Variants in VWA3A observed in about 807,000 individuals in gnomAD.
VWA3A encodes von Willebrand factor A domain containing 3A.
A neutral mutation model predicts 160.4 loss-of-function variants in VWA3A; 134 were observed. The ratio of observed to expected loss-of-function variants is 0.84; its 90% confidence interval spans 0.73 to 0.96. VWA3A has a LOEUF of 0.96. Among genes scored for constraint, VWA3A ranks in the 40% least tolerant of loss-of-function variants. The probability of loss-of-function intolerance (pLI) is 0.00; values close to 1 mark genes in which losing one functional copy is unlikely to be tolerated. For synonymous variants in VWA3A, 476 were observed against 543.4 expected, an observed-to-expected ratio of 0.88 and a Z score of 1.72; for missense variants, 1,310 against 1,447.9, an observed-to-expected ratio of 0.90 and a Z score of 1.55.
chr16:22,142,610 G>A, intron 24 of VWA3A, 58 bp from the exon 25 acceptor site: 2 of 1,343,634 alleles, frequency 1.5e-6, no homozygotes, highest in South Asian at 1.3e-5. Context: ...CATTTCATGA[G>A]GTTTGCAGGG....
intron 19 of VWA3A, 195 bp from the exon 20 acceptor site, chr16:22,132,705 C>A: frequency 1.7e-6 from 1 of 591,274 alleles, no homozygotes; most frequent in Non-Finnish European, 2.9e-6. Flanking sequence ...GCTCTCAGGT[C>A]CAGCTCCCCA....
intron 31 of VWA3A, among the ~76,000 whole-genome samples, chr16:22,154,960 C>CAA (rs747770335): frequency 1.8e-5 from 1 of 54,448 alleles, no homozygotes; most frequent in Non-Finnish European, 3.8e-5. Flanking sequence ...GACTCCGTCT[C>CAA]AAAAAAAAAA....
intron 6 of VWA3A, among the ~76,000 whole-genome samples, chr16:22,106,078 A>G (rs1159130961): frequency 6.6e-6 from 1 of 152,196 alleles, no homozygotes; most frequent in South Asian, 2.1e-4. Context: ...AGGGTGGAAC[A>G]GGACTATTTA....
At chr16:22,137,445 C>T (rs765421197) in intron 21 of VWA3A, among the ~76,000 whole-genome samples, 4 of 152,166 alleles carry the variant, frequency 2.6e-5, no homozygotes, top group African/African-American at 4.8e-5. Context: ...AACAGACCCA[C>T]CTGGTTTGAA....
At position 22,138,348 on chromosome 16, in the gene VWA3A, A is replaced by T. The variant is rs760526304; in HGVS notation, c.2140-12A>T. ...GCTGGGGGTGCCACTGACCCTCCCA[A>T]TCCCACTGCAGTGTGCCTTCCTCAT... On this transcript the variant is annotated splice_polypyrimidine_tract_variant and intron_variant, in intron 21 of 33. Coordinates refer to ENST00000389398, the MANE Select transcript of VWA3A (RefSeq NM_173615.5). 1 of 1,574,740 alleles carries T rather than the reference A, an allele frequency of 6.4e-7. No individual in the cohort carries two copies. Among genetic ancestry groups the T allele is most frequent in the Middle Eastern group, 1.7e-4 (1 of 6,010 alleles).
chr16:22,101,320 G>T (rs1381902557), intron 5 of VWA3A, among the ~76,000 whole-genome samples: 3 of 152,174 alleles, frequency 2.0e-5, no homozygotes, highest in Non-Finnish European at 4.4e-5. Context: ...GTGTTTAATG[G>T]TTAAGAGTAA....
intron 3 of VWA3A, among the ~76,000 whole-genome samples, chr16:22,098,365 A>G (rs1490858799): frequency 6.6e-6 from 1 of 152,272 alleles, no homozygotes; most frequent in East Asian, 1.9e-4. Context: ...TGGCACTTAC[A>G]GGAAAGCAAG....
chr16:22,153,863 C>T (rs2046390523), intron 31 of VWA3A, among the ~76,000 whole-genome samples: 1 of 151,652 alleles, frequency 6.6e-6, no homozygotes. Flanking sequence ...CCTCAGCCTG[C>T]AGAGTAGCTG....
chr16:22,131,099 A>G, intron 17 of VWA3A, 106 bp from the exon 18 acceptor site: 1 of 950,310 alleles, frequency 1.1e-6, no homozygotes, highest in Admixed American at 2.1e-5. Flanking sequence ...ATTTTAGGGG[A>G]TCTCATCAGA....
At chr16:22,146,194 G>T in intron 26 of VWA3A, 42 bp from the exon 27 acceptor site, 2 of 1,493,976 alleles carry the variant, frequency 1.3e-6, no homozygotes, top group South Asian at 2.3e-5. Flanking sequence ...ATGAAGAAAT[G>T]ACTGATGGGG....
chr16:22,134,267 C>T (rs890045696), intron 20 of VWA3A, 101 bp from the exon 21 acceptor site: 68 of 948,028 alleles, frequency 7.2e-5, no homozygotes, highest in Non-Finnish European at 1.3e-5. Context: ...ATTCCCAGCC[C>T]TCAAGTCACC....
intron 3 of VWA3A, among the ~76,000 whole-genome samples, chr16:22,097,896 A>G (rs1456042884): frequency 6.6e-6 from 1 of 152,190 alleles, no homozygotes; most frequent in Non-Finnish European, 1.5e-5. Flanking sequence ...TGTTTAGCCT[A>G]TTTGGCCATG....
At chr16:22,115,219 T>G in intron 8 of VWA3A, 128 bp from the exon 9 acceptor site, 174 of 1,075,324 alleles carry the variant, frequency 1.6e-4, no homozygotes, top group Non-Finnish European at 2.0e-4. Flanking sequence ...GAGGTTACAG[T>G]GAGCTATGAT....
At chr16:22,143,643 G>T (rs1270681160) in intron 25 of VWA3A, among the ~76,000 whole-genome samples, 3 of 152,144 alleles carry the variant, frequency 2.0e-5, no homozygotes, top group African/African-American at 7.2e-5. Flanking sequence ...TTGTAGGTGG[G>T]GTTGAAATGG....
chr16:22,138,079 C>T (rs1004824598), intron 21 of VWA3A, among the ~76,000 whole-genome samples: 6 of 152,188 alleles, frequency 3.9e-5, no homozygotes, highest in African/African-American at 1.4e-4. Flanking sequence ...CACACCTACC[C>T]TATCGGCATA....
chr16:22,138,378 T>C lies in VWA3A; in HGVS notation c.2158T>C (p.Ser720Pro). Residue 720 changes from serine (S) to proline (P), a missense_variant, in exon 22 of 34, where the codon TCC becomes CCC. Coordinates refer to ENST00000389398, the MANE Select transcript of VWA3A (RefSeq NM_173615.5). ...YSQKCAFLMA[S>P]LKNHSGKVLG... ...ACTGCAGTGTGCCTTCCTCATGGCC[T>C]CCCTGAAGAACCATTCAGGAAAAGT... The C allele has an allele frequency of 6.3e-7, 1 of 1,599,498 alleles. No homozygotes were observed. The highest frequency in any genetic ancestry group is 8.5e-7 in the Non-Finnish European group (1 of 1,173,382).
In VWA3A at chr16:22,106,621, A is replaced by G. The variant is rs533646087; in HGVS notation, c.484-2861A>G. 7.2e-5 allele frequency among the ~76,000 whole-genome samples: 11 copies of G among 152,196 alleles called. 1 individual carries two copies. In the South Asian group the frequency reaches 2.3e-3, roughly 32 times the overall value. ...AGCACAGAGTGAGCTATGTGGAGAAAGGAGATGAGCTTAGATGAGCAGGTT... is the reference window on the plus strand; with the variant it reads ...AGCACAGAGTGAGCTATGTGGAGAAGGGAGATGAGCTTAGATGAGCAGGTT... On this transcript the variant is annotated intron_variant, in intron 6 of 33. Transcript: ENST00000389398.
rs554725961 is a variant in VWA3A, at chr16:22,147,538, C to G, written c.2840-624C>G. ...TAGAGATCCTACAGGTGGCTTTGTA[C>G]GTGCCACTCAGGGTCCTGTGTAAAT... On this transcript the variant is annotated intron_variant, in intron 27 of 33. Coordinates refer to ENST00000389398, the MANE Select transcript of VWA3A (RefSeq NM_173615.5). 5.7e-6 allele frequency: 4 copies of G among 702,190 alleles called. No individual in the cohort carries two copies. In the East Asian group the frequency reaches 1.1e-4, roughly 19 times the overall value. The allele number at this position is 702,190 out of a possible 1,614,324, so 43.5% of individuals were successfully genotyped here. A position where few individuals can be genotyped will look rare whatever the true frequency, so the allele number is the denominator to read the frequency against.
Position 22,129,195 on chromosome 16 carries a change from C to G in VWA3A, c.1653-2010C>G, listed in dbSNP as rs187323230. ...ACGAGGTCAGGAGATTGAGACCATC[C>G]TGGCTAACACGGTGAAACCCCATCT... On this transcript the variant is annotated intron_variant, in intron 17 of 33. Transcript: ENST00000389398. 7.6e-3 allele frequency among the ~76,000 whole-genome samples: 1,148 copies of G among 151,606 alleles called. 7 individuals are homozygous for G. The highest frequency in any genetic ancestry group is 0.01 in the Middle Eastern group (3 of 294).
Sources: allele counts gnomAD v4.1 joint callset (sites outside exome capture counted in the v4.1 genomes callset), GRCh38; gene constraint gnomAD v4.1.1; transcripts MANE v1.5; gene names NCBI Gene and HGNC (gene_info 2026-07-23, HGNC 2026-07-21).